MFSD11: variants seen among roughly 807,000 people sequenced by gnomAD.
The protein encoded by MFSD11 is UNC93-like protein MFSD11.
A neutral mutation model predicts 53.5 loss-of-function variants in MFSD11; 36 were observed. That is an observed-to-expected ratio of 0.67 (90% CI 0.52 to 0.89). The LOEUF (loss-of-function observed/expected upper bound fraction) is 0.89. Among genes scored for constraint, MFSD11 ranks in the 40% least tolerant of loss-of-function variants. MFSD11 has a pLI of 0.00. For synonymous variants in MFSD11, 186 were observed against 184.9 expected, an observed-to-expected ratio of 1.01 and a Z score of -0.05; for missense variants, 530 against 543.9, an observed-to-expected ratio of 0.97 and a Z score of 0.25.
At chr17:76,764,227 C>T (rs1036745107) in intron 8 of MFSD11, among the ~76,000 whole-genome samples, 2 of 151,904 alleles carry the variant, frequency 1.3e-5, no homozygotes, top group Non-Finnish European at 2.9e-5. Context: ...TATCCATCAC[C>T]TCACATAGTT....
At chr17:76,740,394 G>T (rs1284673378) in intron 2 of MFSD11, among the ~76,000 whole-genome samples, 1 of 152,152 alleles carries the variant, frequency 6.6e-6, no homozygotes, top group African/African-American at 2.4e-5. Flanking sequence ...ATTAGGTTGA[G>T]TTAAATAAAT....
chr17:76,784,436 G>C (rs905089418), downstream of MFSD11, among the ~76,000 whole-genome samples: 1 of 152,150 alleles, frequency 6.6e-6, no homozygotes, highest in South Asian at 2.1e-4. Context: ...GGGAGGCTGA[G>C]GCAGGAGAAT....
At chr17:76,758,675 G>A (rs1378146273) in intron 8 of MFSD11, among the ~76,000 whole-genome samples, 1 of 151,718 alleles carries the variant, frequency 6.6e-6, no homozygotes, top group Non-Finnish European at 1.5e-5. Flanking sequence ...GGAAAATCTG[G>A]GGAAAATATT....
chr17:76,778,449 T>C lies in MFSD11; in HGVS notation c.*97T>C, dbSNP rs2082037274. ...CCTTTGATCTTCACTATATATTGGG[T>C]GATGTTCAGTATGGAAAATCAAGGG... On this transcript the variant is annotated 3_prime_UTR_variant, in exon 13 of 13. Transcript: ENST00000685175. The C allele has an allele frequency of 1.7e-6, 2 of 1,206,112 alleles. No homozygotes were observed. The highest frequency in any genetic ancestry group is 2.1e-5 in the Admixed American group (1 of 48,224). 74.7% of individuals were successfully genotyped at this position (1,206,112 alleles called of 1,614,324 possible).
rs2078358740 is a variant in MFSD11 at position 76,744,304 on chromosome 17, C to A, written c.497-18C>A. On this transcript the variant is annotated intron_variant, in intron 6 of 12. Transcript: ENST00000685175. ...TTGTTTGGTCGATACTATCTTGTTT[C>A]TTCTTTTTTCTCCGTAGAGAGTGAC... 1.7e-5 allele frequency: 27 copies of A among 1,598,336 alleles called. No homozygotes were observed. The highest frequency in any genetic ancestry group is 2.2e-5 in the Non-Finnish European group (26 of 1,174,978).
At chr17:76,774,576 C>T (rs1031191770) in intron 10 of MFSD11, among the ~76,000 whole-genome samples, 1 of 152,176 alleles carries the variant, frequency 6.6e-6, no homozygotes, top group African/African-American at 2.4e-5. Flanking sequence ...TCTCTGACTC[C>T]CCTTCGGAGC....
intron 7 of MFSD11, among the ~76,000 whole-genome samples, chr17:76,751,431 C>T (rs1438547024): frequency 1.3e-5 from 2 of 151,786 alleles, no homozygotes; most frequent in African/African-American, 4.8e-5. Flanking sequence ...TGGTGGTTCA[C>T]ACCTGTAATC....
chr17:76,792,763 C>T, the MFSD11 span, among the ~76,000 whole-genome samples: 1 of 151,396 alleles, frequency 6.6e-6, no homozygotes. Context: ...ATGTCAGGTC[C>T]TTAAAGTGGA....
At chr17:76,753,700 A>AAG (rs60259208) in intron 7 of MFSD11, among the ~76,000 whole-genome samples, 3,267 of 150,392 alleles carry the variant, frequency 0.022, 122 homozygotes, top group African/African-American at 0.075. Context: ...AAAAAAAAAA[A>AAG]AAAGAAAGAA....
intron 7 of MFSD11, 59 bp from the exon 8 acceptor site, chr17:76,753,988 A>ATTTTC (rs2079324788): frequency 1.4e-6 from 2 of 1,389,380 alleles, no homozygotes; most frequent in African/African-American, 1.4e-5. Flanking sequence ...ATGTGATCGT[A>ATTTTC]TGTTTGTTCT....
At chr17:76,760,720 G>A (rs2144631105) in intron 8 of MFSD11, among the ~76,000 whole-genome samples, 3 of 151,902 alleles carry the variant, frequency 2.0e-5, no homozygotes, top group Middle Eastern at 6.8e-3. Context: ...TAGTAGAAGT[G>A]GGGTTTTGTT....
At chr17:76,736,756 C>T (rs1314026492), upstream of MFSD11, 8 of 1,396,774 alleles carry the variant, frequency 5.7e-6, no homozygotes, top group Non-Finnish European at 7.4e-6. Flanking sequence ...GGGCCTCCCG[C>T]GCGCCCCGCC....
At chr17:76,740,664 G>A (rs1350930823) in intron 2 of MFSD11, among the ~76,000 whole-genome samples, 1 of 152,196 alleles carries the variant, frequency 6.6e-6, no homozygotes, top group East Asian at 1.9e-4. Context: ...GATTAGAAGA[G>A]AAAATCTGTA....
At chr17:76,758,768 G>GA (rs1337697194) in intron 8 of MFSD11, among the ~76,000 whole-genome samples, 1 of 151,968 alleles carries the variant, frequency 6.6e-6, no homozygotes, top group Non-Finnish European at 1.5e-5. Context: ...TACAAATATG[G>GA]AAAAAATTGT....
At chr17:76,775,691 G>A (rs887261070) in intron 11 of MFSD11, among the ~76,000 whole-genome samples, 1 of 152,208 alleles carries the variant, frequency 6.6e-6, no homozygotes, top group Non-Finnish European at 1.5e-5. Context: ...TATCGCATCT[G>A]AAAATCTGAA....
At chr17:76,802,471 T>C in the MFSD11 span, among the ~76,000 whole-genome samples, 1 of 152,192 alleles carries the variant, frequency 6.6e-6, no homozygotes, top group Non-Finnish European at 1.5e-5. Flanking sequence ...CTCTTAGAAA[T>C]TTACTTTCAC....
chr17:76,789,292 T>A, the MFSD11 span, among the ~76,000 whole-genome samples: 1 of 150,184 alleles, frequency 6.7e-6, no homozygotes, highest in South Asian at 2.2e-4. Flanking sequence ...CCGGGGTTTG[T>A]GTTTTTCTTC....
At chr17:76,785,433 C>G (rs1232737086), downstream of MFSD11, among the ~76,000 whole-genome samples, 1 of 152,132 alleles carries the variant, frequency 6.6e-6, no homozygotes, top group Non-Finnish European at 1.5e-5. Flanking sequence ...AACTCCTGGC[C>G]TCAAGCGGTC....
the MFSD11 span, among the ~76,000 whole-genome samples, chr17:76,793,113 C>T: frequency 6.6e-6 from 1 of 151,402 alleles, no homozygotes; most frequent in Non-Finnish European, 1.5e-5. Flanking sequence ...AAGTTTCGGG[C>T]ACGCATTGTC....
Sources: allele counts gnomAD v4.1 joint callset (sites outside exome capture counted in the v4.1 genomes callset), GRCh38; gene constraint gnomAD v4.1.1; transcripts MANE v1.5; gene names NCBI Gene and HGNC (gene_info 2026-07-23, HGNC 2026-07-21).